STAT3: variants seen among roughly 807,000 people sequenced by gnomAD.
STAT3 encodes signal transducer and activator of transcription 3.
In STAT3, 7 loss-of-function variants were observed where a neutral mutation model predicts 114.3. The ratio of observed to expected loss-of-function variants is 0.06; its 90% CI spans 0.03 to 0.11. STAT3 has a LOEUF of 0.11. Among genes scored for constraint, STAT3 ranks in the 10% least tolerant of loss-of-function variants. The pLI is 1.00. For synonymous variants in STAT3, 331 were observed against 354.5 expected (o/e 0.93, Z 0.74); for missense variants, 364 against 960.9 (o/e 0.38, Z 8.21).
Position 42,340,258 on chromosome 17 carries a change from A to T in STAT3, c.373-849T>A, listed in dbSNP as rs957466948. On this transcript the variant is annotated intron_variant, in intron 4 of 23. Transcript: ENST00000264657. ...GTAATCCCAGCTACTCGGGAGGCTG[A>T]GGAAGGAGAATCGCCTGAACCCGGG... is the stretch of plus-strand genomic sequence containing the variant. 2.6e-5 allele frequency among the ~76,000 whole-genome samples: 4 copies of T among 151,376 alleles called. No homozygotes were observed. In the South Asian group the frequency reaches 8.4e-4, roughly 32 times the overall value.
intron 1 of STAT3, among the ~76,000 whole-genome samples, chr17:42,384,281 A>G (rs1037437609): frequency 6.6e-6 from 1 of 151,878 alleles, no homozygotes; most frequent in African/African-American, 2.4e-5. Flanking sequence ...GACGCCCGCC[A>G]CAACGCCCGG....
chr17:42,386,237 C>T (rs1235638922), intron 1 of STAT3, among the ~76,000 whole-genome samples: 3 of 149,794 alleles, frequency 2.0e-5, no homozygotes, highest in African/African-American at 4.9e-5. Flanking sequence ...GCCAAGATTG[C>T]GCCACTGCAC....
chr17:42,381,424 C>T (rs1168347058), intron 1 of STAT3, among the ~76,000 whole-genome samples: 7 of 152,030 alleles, frequency 4.6e-5, no homozygotes, highest in Admixed American at 2.0e-4. Context: ...TTTTGCTAGG[C>T]TGTTAAAAGG....
At chr17:42,344,170 C>G (rs909354722) in intron 4 of STAT3, among the ~76,000 whole-genome samples, 9 of 152,188 alleles carry the variant, frequency 5.9e-5, no homozygotes, top group Admixed American at 5.2e-4. Flanking sequence ...CGCCTGTAAT[C>G]CCAGCACTTT....
chr17:42,359,832 G>A (rs1020275088), intron 1 of STAT3, among the ~76,000 whole-genome samples: 35 of 151,672 alleles, frequency 2.3e-4, no homozygotes, highest in Admixed American at 2.0e-3. Context: ...AGGCTGAGGC[G>A]GGTGGATCAC....
chr17:42,380,633 C>T (rs1381525180), intron 1 of STAT3, among the ~76,000 whole-genome samples: 2 of 152,238 alleles, frequency 1.3e-5, no homozygotes, highest in African/African-American at 4.8e-5. Flanking sequence ...AGGTGATCCA[C>T]CCGCCTTGGC....
At chr17:42,328,692 G>A (rs916143718) in intron 14 of STAT3, among the ~76,000 whole-genome samples, 3 of 152,178 alleles carry the variant, frequency 2.0e-5, no homozygotes, top group African/African-American at 7.2e-5. Flanking sequence ...GAGCCAGCAC[G>A]CCCAGCTAGG....
intron 21 of STAT3, among the ~76,000 whole-genome samples, chr17:42,318,050 C>A (rs964855804): frequency 3.3e-5 from 5 of 152,068 alleles, no homozygotes; most frequent in Admixed American, 3.3e-4. Context: ...ACTCCCAGGT[C>A]AAAACGATTC....
chr17:42,321,278 C>T (rs946328729), intron 21 of STAT3, among the ~76,000 whole-genome samples: 25 of 151,574 alleles, frequency 1.6e-4, no homozygotes, highest in Non-Finnish European at 2.6e-4. Context: ...AACCACCACA[C>T]GTGGCTAATT....
intron 18 of STAT3, 83 bp downstream of exon 18, chr17:42,323,490 C>G (rs1401873731): frequency 5.1e-6 from 8 of 1,568,932 alleles, no homozygotes; most frequent in Non-Finnish European, 7.0e-6. Flanking sequence ...ACCAAGAGTT[C>G]AGGGCCTTCA....
rs777828006 is a variant in STAT3 at position 42,338,768 on chromosome 17, G to A, written c.513C>T (p.Asp171=). Reference sequence around the variant, plus strand: ...TGAGGGTTTTATAGTTGAAATCAAAGTCATCCTGGAGATTCTCTACCACTT... The same window carrying A: ...TGAGGGTTTTATAGTTGAAATCAAAATCATCCTGGAGATTCTCTACCACTT... ...KMKVVENLQD[D]FDFNYKTLKS... Residue 171 remains aspartate (D), a synonymous_variant, in exon 6 of 24, where the codon GAC becomes GAT. Transcript: ENST00000264657. 2.3e-5 allele frequency: 37 copies of A among 1,613,728 alleles called. No homozygotes were observed. The highest frequency in any genetic ancestry group is 1.6e-4 in the Middle Eastern group (1 of 6,080).
chr17:42,316,495 A>G (rs1282888056), intron 23 of STAT3: 4 of 618,574 alleles, frequency 6.5e-6, no homozygotes, highest in Non-Finnish European at 1.1e-5. Context: ...CTGGGATTAC[A>G]GGCATGAGCC....
intron 1 of STAT3, among the ~76,000 whole-genome samples, chr17:42,381,308 T>G (rs1357766977): frequency 1.3e-5 from 2 of 152,222 alleles, no homozygotes; most frequent in Non-Finnish European, 2.9e-5. Context: ...AAAATTTCAG[T>G]GATGAGCAAG....
chr17:42,375,878 C>T (rs557689921), intron 1 of STAT3, among the ~76,000 whole-genome samples: 44 of 150,202 alleles, frequency 2.9e-4, no homozygotes, highest in Non-Finnish European at 5.5e-4. Flanking sequence ...TAGAGCCGGG[C>T]GCAATGGCTC....
At chr17:42,355,262 C>T (rs758926997) in intron 1 of STAT3, among the ~76,000 whole-genome samples, 2 of 152,140 alleles carry the variant, frequency 1.3e-5, no homozygotes, top group East Asian at 3.8e-4. Flanking sequence ...TTTTATTAGA[C>T]ATTCTAGAAT....
chr17:42,315,076 G>A lies in STAT3; in HGVS notation c.*669C>T, dbSNP rs138998960. ...GGGGTTTCACCGTGTTAGCCAGGAT[G>A]GTCTTGATCTCCTGACCTTATGATC... On this transcript the variant is annotated 3_prime_UTR_variant, in exon 24 of 24. Coordinates refer to ENST00000264657, the MANE Select transcript of STAT3 (RefSeq NM_139276.3). 870 of 184,728 alleles carry A rather than the reference G, an allele frequency of 4.7e-3. 7 individuals carry two copies. The highest frequency in any genetic ancestry group is 0.019 in the African/African-American group (799 of 42,642). 11.4% of individuals were successfully genotyped at this position (184,728 alleles called of 1,614,324 possible). A position where few individuals can be genotyped will look rare whatever the true frequency, so the allele number is the denominator to read the frequency against.
At position 42,352,414 on chromosome 17, in the gene STAT3, G is replaced by A. The variant is rs954996482; in HGVS notation, c.-23-3875C>T. Among the ~76,000 whole-genome samples, 11 of 152,244 alleles carry A rather than the reference G, an allele frequency of 7.2e-5. No individual in the cohort carries two copies. In the Middle Eastern group the frequency reaches 0.01, roughly 141 times the overall value. ...CAGGACAAATGCTGCCTGGGCAGTG[G>A]TACAGGTACACTAAGCACTAGCCAG... On this transcript the variant is annotated intron_variant, in intron 1 of 23. Coordinates refer to ENST00000264657, the MANE Select transcript of STAT3 (RefSeq NM_139276.3).
chr17:42,319,075 T>C (rs1162605822), intron 21 of STAT3, among the ~76,000 whole-genome samples: 1 of 152,060 alleles, frequency 6.6e-6, no homozygotes, highest in Non-Finnish European at 1.5e-5. Context: ...ACCCTGTCTT[T>C]AATGAAATTA....
At chr17:42,330,426 T>A (rs2081956244) in intron 11 of STAT3, among the ~76,000 whole-genome samples, 1 of 145,256 alleles carries the variant, frequency 6.9e-6, no homozygotes, top group Non-Finnish European at 1.5e-5. Context: ...ACATTTTCTC[T>A]TTTCTTTTCT....
Sources: gnomAD v4.1 joint callset for allele counts (sites outside exome capture counted in the v4.1 genomes callset) on GRCh38, gnomAD v4.1.1 for gene constraint, MANE v1.5 for transcripts, NCBI Gene and HGNC (gene_info 2026-07-23, HGNC 2026-07-21) for gene names.